MYL4: variants seen among roughly 807,000 people sequenced by gnomAD.
MYL4 encodes myosin light chain 4, also known as atrial myosin light chain 1.
Under a neutral mutation model 21.6 loss-of-function variants are expected in MYL4, and 16 were observed. The ratio of observed to expected loss-of-function variants is 0.74; its 90% CI spans 0.50 to 1.12. The LOEUF (loss-of-function observed/expected upper bound fraction) is 1.12, where lower values mean the gene tolerates loss of function less well. Among genes scored for constraint, MYL4 ranks in the 50% most tolerant of loss-of-function variants. MYL4 has a pLI of 0.00. For synonymous variants in MYL4, 82 were observed against 95.7 expected (o/e 0.86, Z 0.83); for missense variants, 249 against 252.9 (o/e 0.98, Z 0.11).
At chr17:47,201,375 T>G (rs1012340949) in intron 1 of MYL4, among the ~76,000 whole-genome samples, 3 of 152,190 alleles carry the variant, frequency 2.0e-5, no homozygotes, top group Non-Finnish European at 4.4e-5. Flanking sequence ...AGGATTGGGT[T>G]AATCATTCTC....
chr17:47,209,150 C>T, upstream of MYL4: 1 of 575,932 alleles, frequency 1.7e-6, no homozygotes. Context: ...TCAGCCTGTC[C>T]TAGAGGTGAA....
chr17:47,215,954 G>A (rs1598655987), intron 2 of MYL4, among the ~76,000 whole-genome samples: 1 of 152,018 alleles, frequency 6.6e-6, no homozygotes, highest in Admixed American at 6.6e-5. Flanking sequence ...TTGTTTTTAT[G>A]TTTTGTAGAG....
chr17:47,222,581 GA>G (rs1237107335), intron 5 of MYL4, 124 bp downstream of exon 5: 3 of 784,980 alleles, frequency 3.8e-6, no homozygotes, highest in Admixed American at 2.2e-5. Flanking sequence ...CCCCCCATTG[GA>G]TGTTGTTCTG....
chr17:47,222,097 A>G (rs1475068910), intron 4 of MYL4, among the ~76,000 whole-genome samples: 1 of 152,098 alleles, frequency 6.6e-6, no homozygotes, highest in Admixed American at 6.6e-5. Flanking sequence ...AGCAGGGCTT[A>G]CTACTGAGGC....
At chr17:47,222,307 G>T in intron 4 of MYL4, 73 bp from the exon 5 acceptor site, 1 of 1,391,168 alleles carries the variant, frequency 7.2e-7, no homozygotes, top group Non-Finnish European at 1.0e-6. Context: ...CACTTAAGGG[G>T]GTACTTGGGT....
intron 1 of MYL4, 29 bp downstream of exon 1, chr17:47,209,586 G>A (rs1431714249): frequency 6.2e-7 from 1 of 1,614,222 alleles, no homozygotes; most frequent in South Asian, 1.1e-5. Flanking sequence ...TTGGGATAGA[G>A]GTGGGGATGA....
intron 1 of MYL4, among the ~76,000 whole-genome samples, chr17:47,210,468 AG>A (rs1289576540): frequency 1.3e-5 from 2 of 152,164 alleles, no homozygotes; most frequent in Non-Finnish European, 2.9e-5. Flanking sequence ...GAAAAGGTCA[AG>A]TGGCTACTGG....
At chr17:47,190,449 T>G in the MYL4 span, among the ~76,000 whole-genome samples, 2 of 152,266 alleles carry the variant, frequency 1.3e-5, no homozygotes, top group East Asian at 3.9e-4. Context: ...GAGGAAACAG[T>G]TTTTGAAAGT....
downstream of MYL4, among the ~76,000 whole-genome samples, chr17:47,226,175 G>C (rs2064884987): frequency 6.6e-6 from 1 of 152,180 alleles, no homozygotes; most frequent in Non-Finnish European, 1.5e-5. Context: ...AAGCACATAA[G>C]TATCCAGGGA....
intron 6 of MYL4, 24 bp downstream of exon 6, chr17:47,223,081 G>GTCCC: frequency 6.2e-7 from 1 of 1,613,450 alleles, no homozygotes; most frequent in Admixed American, 1.7e-5. Flanking sequence ...CTCCCTCCTG[G>GTCCC]TCCCTTCCGG....
chr17:47,221,993 C>CT (rs1215826167), intron 4 of MYL4, 138 bp downstream of exon 4: 1 of 1,000,828 alleles, frequency 1.0e-6, no homozygotes, highest in Non-Finnish European at 1.4e-6. Context: ...GATCCAGGCC[C>CT]TGTCTCCCTG....
the MYL4 span, chr17:47,189,553 T>C: frequency 6.1e-6 from 2 of 325,480 alleles, no homozygotes; most frequent in East Asian, 1.3e-4. Context: ...ACGCCAAATC[T>C]GCAACCAGCA....
At chr17:47,206,832 T>C (rs545012018), upstream of MYL4, among the ~76,000 whole-genome samples, 26 of 152,284 alleles carry the variant, frequency 1.7e-4, no homozygotes, top group African/African-American at 6.3e-4. Flanking sequence ...TGCAGCTCTT[T>C]ACAGAAATCC....
rs756010629 is a variant in MYL4 at position 47,209,531 on chromosome 17, C to A, written c.109C>A (p.Pro37Thr). 9 of 1,614,088 alleles carry A rather than the reference C, an allele frequency of 5.6e-6. No individual in the cohort carries two copies. Among genetic ancestry groups the A allele is most frequent in the Admixed American group, 1.7e-5 (1 of 60,006 alleles). ...PAPAPEAPKEPAFDPKSVKID... is the reference protein window; with the variant it reads ...PAPAPEAPKETAFDPKSVKID... ...CCCAGCTCCTGAGGCTCCCAAGGAA[C>A]CTGCCTTTGACCCCAAGAGTGTAAA... The change falls in exon 1 of 7, where the codon CCT becomes ACT. Residue 37 changes from proline to threonine, a missense_variant. By Grantham distance (38) the Pro-to-Thr change is conservative. Coordinates refer to ENST00000393450, the MANE Select transcript of MYL4 (RefSeq NM_002476.2).
At chr17:47,192,014 A>G in the MYL4 span, among the ~76,000 whole-genome samples, 3 of 152,202 alleles carry the variant, frequency 2.0e-5, no homozygotes, top group Non-Finnish European at 4.4e-5. Context: ...TCTGGCTTAT[A>G]GGCTTAGAAT....
chr17:47,218,336 A>C (rs2064830349), intron 2 of MYL4, among the ~76,000 whole-genome samples: 1 of 152,224 alleles, frequency 6.6e-6, no homozygotes, highest in African/African-American at 2.4e-5. Context: ...GGAAAGGATG[A>C]AAACTGGCTT....
At chr17:47,215,388 G>C (rs563787390) in intron 2 of MYL4, among the ~76,000 whole-genome samples, 1 of 152,268 alleles carries the variant, frequency 6.6e-6, no homozygotes, top group South Asian at 2.1e-4. Flanking sequence ...AACTCATTCT[G>C]ATCTTTTATC....
downstream of MYL4, among the ~76,000 whole-genome samples, chr17:47,227,367 T>C (rs1837470512): frequency 6.6e-6 from 1 of 152,182 alleles, no homozygotes; most frequent in African/African-American, 2.4e-5. Context: ...CTAAATAAAG[T>C]TCACGATTTT....
intron 1 of MYL4, among the ~76,000 whole-genome samples, chr17:47,202,809 A>G (rs2064714461): frequency 6.6e-6 from 1 of 152,244 alleles, no homozygotes; most frequent in Non-Finnish European, 1.5e-5. Context: ...ACTGTTTATT[A>G]CAATTAGAAT....
Sources: allele counts gnomAD v4.1 joint callset (sites outside exome capture counted in the v4.1 genomes callset), GRCh38; gene constraint gnomAD v4.1.1; transcripts MANE v1.5; gene names NCBI Gene and HGNC (gene_info 2026-07-23, HGNC 2026-07-21).